LRRK1: variants seen among roughly 807,000 people sequenced by gnomAD.
LRRK1 encodes the protein leucine-rich repeat serine/threonine-protein kinase 1.
Under a neutral mutation model 209.1 loss-of-function variants are expected in LRRK1, and 113 were observed. The ratio of observed to expected loss-of-function variants is 0.54; its 90% CI spans 0.46 to 0.63. LRRK1 has a LOEUF of 0.63. Among genes scored for constraint, LRRK1 ranks in the 30% least tolerant of loss-of-function variants. The probability of loss-of-function intolerance (pLI) is 0.00; values close to 1 mark genes in which losing one functional copy is unlikely to be tolerated. For synonymous variants in LRRK1, 1,144 were observed against 1,099.7 expected, an observed-to-expected ratio of 1.04 and a Z score of -0.80; for missense variants, 2,284 against 2,632.2, an observed-to-expected ratio of 0.87 and a Z score of 2.89.
chr15:101,063,835 AT>A (rs2036350961), intron 31 of LRRK1, among the ~76,000 whole-genome samples: 2 of 151,240 alleles, frequency 1.3e-5, no homozygotes, highest in Admixed American at 1.3e-4. Context: ...CAGGTATGAA[AT>A]GAACCTTAGA....
intron 2 of LRRK1, among the ~76,000 whole-genome samples, chr15:100,951,701 C>T (rs1418953857): frequency 6.6e-6 from 1 of 152,194 alleles, no homozygotes; most frequent in Admixed American, 6.5e-5. Flanking sequence ...CCTGTAATCC[C>T]AGCACTTTGG....
chr15:100,991,312 C>T (rs1479426998), intron 6 of LRRK1, among the ~76,000 whole-genome samples: 2 of 152,130 alleles, frequency 1.3e-5, no homozygotes, highest in African/African-American at 4.8e-5. Flanking sequence ...CTTGACTGGA[C>T]TATTATCGGA....
intron 2 of LRRK1, among the ~76,000 whole-genome samples, chr15:100,926,330 G>A (rs1427193393): frequency 2.0e-5 from 3 of 152,130 alleles, no homozygotes; most frequent in Admixed American, 6.5e-5. Flanking sequence ...TCCAGTGCAC[G>A]TGAGGCTCCC....
rs890893718 is a variant in LRRK1, at chr15:100,926,303, G to T, written c.97+1574G>T. On this transcript the variant is annotated intron_variant, in intron 2 of 33. Coordinates refer to ENST00000388948, the MANE Select transcript of LRRK1 (RefSeq NM_024652.6). ...GATAGAACGCAGTCCCCGATTTGGG[G>T]GTAGCACCTCCACCTTTCCAGTGCA... is the stretch of plus-strand genomic sequence containing the variant. Among the ~76,000 whole-genome samples the T allele has an allele frequency of 3.3e-5, 5 of 152,078 alleles. No homozygotes were observed. In the East Asian group the frequency reaches 9.6e-4, roughly 29 times the overall value.
intron 11 of LRRK1, among the ~76,000 whole-genome samples, chr15:101,015,082 G>A (rs931640636): frequency 5.3e-5 from 8 of 152,150 alleles, no homozygotes; most frequent in African/African-American, 1.4e-4. Context: ...AGCCGCCCCC[G>A]TTATCTGCAG....
Position 101,008,838 on chromosome 15 carries a change from C to T in LRRK1, c.764C>T (p.Ala255Val). 1 of 1,611,336 alleles carries T rather than the reference C, an allele frequency of 6.2e-7. No individual in the cohort carries two copies. Among genetic ancestry groups the T allele is most frequent in the Non-Finnish European group, 8.5e-7 (1 of 1,177,440 alleles). The part of the protein sequence containing the change: ...PLPSSYPGKT[A>V]LRVKWSHLRL... ...CTTTTCCTTTCTTTCCACCACCAGG[C>T]TCTCCGTGTGAAATGGTCCCATCTC... is the stretch of plus-strand genomic sequence containing the variant. The change falls in exon 7 of 34, where the codon GCT (alanine) becomes GTT (valine). Residue 255 changes from alanine to valine, a missense_variant and splice_region_variant. Ala to Val is a moderately conservative substitution (Grantham distance 64). This residue lies in a region of LRRK1 where 494 missense variants were observed against 522.1 expected (regional missense o/e 0.95). Transcript: ENST00000388948.
In LRRK1 at chr15:101,001,588, G is replaced by A. The variant is rs78358999; in HGVS notation, c.763-7249G>A. 1.2e-3 allele frequency among the ~76,000 whole-genome samples: 178 copies of A among 152,278 alleles called. 4 individuals are homozygous for A. In the East Asian group the frequency reaches 0.029, roughly 25 times the overall value. On this transcript the variant is annotated intron_variant, in intron 6 of 33. Transcript: ENST00000388948. ...GCTGGTTCAACAAGGAGGAGGCACC[G>A]TCCCAGGAATCTTTGCTTAACTGCA...
At chr15:100,997,979 GA>G (rs2032497701) in intron 6 of LRRK1, among the ~76,000 whole-genome samples, 1 of 152,094 alleles carries the variant, frequency 6.6e-6, no homozygotes, top group South Asian at 2.1e-4. Flanking sequence ...AGGAGTTCGA[GA>G]CCAGCCTGGC....
chr15:101,027,409 C>T lies in LRRK1; in HGVS notation c.2526+28C>T. 1 of 1,607,438 alleles carries T rather than the reference C, an allele frequency of 6.2e-7. No homozygotes were observed. Among genetic ancestry groups the T allele is most frequent in the South Asian group, 1.1e-5 (1 of 90,556 alleles). On this transcript the variant is annotated intron_variant, in intron 18 of 33. Transcript: ENST00000388948. The surrounding 1 kb of genome is among the most constrained non-coding windows in gnomAD (Gnocchi z 5.1). ...GGGTACCTTGCTGGTCCAGTTTAAA[C>T]CAGTCTGCCTGCTTCCCATTGTTGG...
Position 101,024,353 on chromosome 15 carries a change from A to G in LRRK1, c.2068-450A>G, listed in dbSNP as rs569190650. Among the ~76,000 whole-genome samples the G allele has an allele frequency of 1.9e-4, 29 of 152,304 alleles. No homozygotes were observed. Among genetic ancestry groups the G allele is most frequent in the African/African-American group, 6.5e-4 (27 of 41,572 alleles). On this transcript the variant is annotated intron_variant, in intron 15 of 33. Coordinates refer to ENST00000388948, the MANE Select transcript of LRRK1 (RefSeq NM_024652.6). This position sits in a 1 kb window ranked among gnomAD's most constrained non-coding sequence, Gnocchi z 4.6. ...AGCTCATCTTTTGTTTGATTCCCAC[A>G]GGGTGGGAGGGAGTTTCCCAGCATC...
At chr15:100,975,539 C>G (rs2031243885) in intron 3 of LRRK1, among the ~76,000 whole-genome samples, 1 of 152,234 alleles carries the variant, frequency 6.6e-6, no homozygotes, top group East Asian at 1.9e-4. Context: ...TCCTAGAAAG[C>G]TGCCTCTCCC....
At chr15:100,938,957 G>T (rs2042353007) in intron 2 of LRRK1, among the ~76,000 whole-genome samples, 1 of 144,748 alleles carries the variant, frequency 6.9e-6, no homozygotes, top group South Asian at 2.3e-4. Context: ...GCGAGGCATG[G>T]TGGCGGGCAC....
chr15:101,065,084 G>A lies in LRRK1; in HGVS notation c.4915-268G>A, dbSNP rs1040208647. The A allele has an allele frequency of 1.9e-5, 10 of 524,834 alleles. 1 individual carries two copies. The highest frequency in any genetic ancestry group is 6.9e-5 in the South Asian group (3 of 43,500). The allele number at this position is 524,834 out of a possible 1,614,324, so 32.5% of individuals were successfully genotyped here. A position where few individuals can be genotyped will look rare whatever the true frequency, so the allele number is the denominator to read the frequency against. ...GCAGCCCATGTGGTCCAGGTGACAC[G>A]CAGCCTTACTTGGTGCCACAGGCCC... is the stretch of plus-strand genomic sequence containing the variant. On this transcript the variant is annotated intron_variant, in intron 31 of 33. Transcript: ENST00000388948.
rs763495653 is a variant in LRRK1, at chr15:101,017,800, C to T, written c.1609+2398C>T. ...TATGTAATATATGACAAAGGCAGAA[C>T]TTCAACTTAGTGTAAAAGGATGCTT... On this transcript the variant is annotated intron_variant, in intron 12 of 33. Transcript: ENST00000388948. 1.0e-3 allele frequency among the ~76,000 whole-genome samples: 153 copies of T among 152,116 alleles called. No individual in the cohort carries two copies. The Middle Eastern group carries it at 0.01, about 10-fold the overall frequency.
At chr15:100,955,856 T>C (rs2042743862) in intron 2 of LRRK1, among the ~76,000 whole-genome samples, 1 of 152,228 alleles carries the variant, frequency 6.6e-6, no homozygotes, top group South Asian at 2.1e-4. Context: ...TAATGGTGTA[T>C]GATTTTTTTA....
At chr15:100,983,299 T>A (rs2031701476) in intron 3 of LRRK1, among the ~76,000 whole-genome samples, 2 of 152,218 alleles carry the variant, frequency 1.3e-5, no homozygotes, top group African/African-American at 4.8e-5. Flanking sequence ...TGAGCTAGCT[T>A]ACCCTTTCTG....
chr15:100,989,829 G>A (rs12914811), intron 6 of LRRK1, among the ~76,000 whole-genome samples: 27,582 of 151,956 alleles, frequency 0.18, 2,641 homozygotes, highest in African/African-American at 0.22. Context: ...CCCCCTCCCA[G>A]AGTTTTTGTT....
intron 33 of LRRK1, among the ~76,000 whole-genome samples, 183 bp downstream of exon 33, chr15:101,066,924 G>A (rs762103640): frequency 9.2e-5 from 14 of 152,328 alleles, no homozygotes; most frequent in South Asian, 2.1e-4. Context: ...TAGGGGCTCC[G>A]CACTGGCCAT....
intron 20 of LRRK1, among the ~76,000 whole-genome samples, chr15:101,037,041 G>C (rs1596305089): frequency 6.6e-6 from 1 of 152,328 alleles, no homozygotes; most frequent in South Asian, 2.1e-4. Context: ...GTATACACTG[G>C]CACCAGTGTT....
Sources: allele counts gnomAD v4.1 joint callset (sites outside exome capture counted in the v4.1 genomes callset), GRCh38; gene constraint gnomAD v4.1.1; regional missense constraint gnomAD v4.1.1; non-coding constraint Gnocchi (gnomAD v3.1); transcripts MANE v1.5; gene names NCBI Gene and HGNC (gene_info 2026-07-23, HGNC 2026-07-21).